RBM20: variants seen among roughly 807,000 people sequenced by gnomAD.
RBM20 encodes RNA-binding protein 20.
In RBM20, 51 loss-of-function variants were observed where a neutral mutation model predicts 110.1. The ratio of observed to expected loss-of-function variants is 0.46; its 90% CI spans 0.37 to 0.59. RBM20 has a LOEUF of 0.59. Among genes scored for constraint, RBM20 ranks in the 20% least tolerant of loss-of-function variants. The pLI, the probability that RBM20 is intolerant of heterozygous loss-of-function variation, is 0.00. For synonymous variants in RBM20, 589 were observed against 618.2 expected, an observed-to-expected ratio of 0.95 and a Z score of 0.70; for missense variants, 1,512 against 1,574.9, an observed-to-expected ratio of 0.96 and a Z score of 0.68.
At chr10:110,814,396 G>A (rs1250985428) in intron 9 of RBM20, among the ~76,000 whole-genome samples, 2 of 152,194 alleles carry the variant, frequency 1.3e-5, no homozygotes, top group African/African-American at 2.4e-5. Flanking sequence ...TGCTCTGTGG[G>A]CAATTATTAA....
intron 1 of RBM20, among the ~76,000 whole-genome samples, chr10:110,706,817 G>C (rs1156409397): frequency 2.0e-5 from 3 of 152,146 alleles, no homozygotes; most frequent in Non-Finnish European, 4.4e-5. Flanking sequence ...TCTTGGTCTT[G>C]CCTCCTCCTC....
At chr10:110,783,643 G>A (rs749018839) in intron 3 of RBM20, among the ~76,000 whole-genome samples, 13 of 152,242 alleles carry the variant, frequency 8.5e-5, no homozygotes, top group Admixed American at 2.6e-4. Flanking sequence ...GTAAATGCTA[G>A]GCAGAAAACA....
intron 1 of RBM20, among the ~76,000 whole-genome samples, chr10:110,686,612 C>T (rs1386833192): frequency 6.6e-6 from 1 of 151,716 alleles, no homozygotes; most frequent in African/African-American, 2.4e-5. Context: ...GTGATGGAGC[C>T]AGATGCTGTC....
rs1844342633 is a variant in RBM20, at chr10:110,781,329, T to C, written c.720T>C (p.Tyr240=). ...EYGKASSGQT[Y]GPETDGQPGF... is the part of the protein sequence containing the mutation. ...GCAAAGCCAGCTCTGGCCAGACATA[T>C]GGCCCTGAAACAGATGGTCAGCCTG... is the stretch of plus-strand genomic sequence containing the variant. The change falls in exon 2 of 14, where the codon TAT becomes TAC. Residue 240 remains tyrosine (Y), a synonymous_variant. Transcript: ENST00000369519. 2.6e-6 allele frequency: 4 copies of C among 1,551,580 alleles called. No individual in the cohort carries two copies. Among genetic ancestry groups the C allele is most frequent in the South Asian group, 1.2e-5 (1 of 84,072 alleles).
intron 1 of RBM20, among the ~76,000 whole-genome samples, chr10:110,766,835 G>A (rs1223151198): frequency 2.7e-5 from 4 of 150,922 alleles, no homozygotes; most frequent in Admixed American, 1.3e-4. Flanking sequence ...TCAATGAGCT[G>A]TTGGGTACAC....
intron 1 of RBM20, among the ~76,000 whole-genome samples, chr10:110,657,777 A>G (rs59655577): frequency 0.19 from 28,241 of 152,152 alleles, 3,548 homozygotes; most frequent in African/African-American, 0.34. Flanking sequence ...TGAAGCTCGT[A>G]TGAACATTCC....
rs371190223 is a variant in RBM20, at chr10:110,676,035, T to A, written c.191+31390T>A. On this transcript the variant is annotated intron_variant, in intron 1 of 13. Transcript: ENST00000369519. ...ACTTGGTAGTCACCTGCAATGATAA[T>A]TAGCTAACGGATAGTGGGCGCTGGA... Among the ~76,000 whole-genome samples the A allele has an allele frequency of 2.6e-5, 4 of 152,298 alleles. No homozygotes were observed. The East Asian group carries it at 7.7e-4, about 29-fold the overall frequency.
At chr10:110,750,021 A>G (rs1364485049) in intron 1 of RBM20, among the ~76,000 whole-genome samples, 1 of 152,254 alleles carries the variant, frequency 6.6e-6, no homozygotes, top group East Asian at 1.9e-4. Flanking sequence ...TATGATTTAT[A>G]GGTGTATAAT....
At chr10:110,735,770 T>A (rs542284565) in intron 1 of RBM20, among the ~76,000 whole-genome samples, 16 of 152,344 alleles carry the variant, frequency 1.1e-4, no homozygotes, top group Admixed American at 4.6e-4. Context: ...GGCTACTACA[T>A]GTAGAGCTCA....
intron 1 of RBM20, among the ~76,000 whole-genome samples, chr10:110,710,657 G>T (rs527553623): frequency 3.3e-5 from 5 of 152,344 alleles, no homozygotes; most frequent in Middle Eastern, 3.4e-3. Context: ...TTCCCCTTTG[G>T]GGGCAAATGA....
chr10:110,812,216 TGTGG>T, intron 8 of RBM20, 58 bp from the exon 9 acceptor site: 1 of 1,387,356 alleles, frequency 7.2e-7, no homozygotes, highest in Non-Finnish European at 9.7e-7. Context: ...TGTGTCTGTG[TGTGG>T]GTGGGGTGGG....
At chr10:110,805,929 G>T (rs1056983270) in intron 7 of RBM20, among the ~76,000 whole-genome samples, 1 of 152,158 alleles carries the variant, frequency 6.6e-6, no homozygotes, top group East Asian at 1.9e-4. Context: ...GGTGGGGAAG[G>T]AGGGTGGTGA....
chr10:110,800,015 G>C, intron 7 of RBM20, 97 bp downstream of exon 7: 1 of 1,152,638 alleles, frequency 8.7e-7, no homozygotes, highest in South Asian at 1.4e-5. Context: ...GAAAGGAGAG[G>C]ATAGGAAAAG....
chr10:110,792,552 C>T (rs1844498019), intron 5 of RBM20, among the ~76,000 whole-genome samples: 1 of 152,136 alleles, frequency 6.6e-6, no homozygotes. Context: ...AGTAACTGGC[C>T]CACAGTTAGT....
At chr10:110,819,113 A>C (rs941271005) in intron 9 of RBM20, among the ~76,000 whole-genome samples, 4 of 152,244 alleles carry the variant, frequency 2.6e-5, no homozygotes, top group Non-Finnish European at 5.9e-5. Context: ...AACCTCAGCC[A>C]AGAATGTCCT....
intron 1 of RBM20, among the ~76,000 whole-genome samples, chr10:110,661,166 T>TCC (rs1862095769): frequency 6.6e-6 from 1 of 152,206 alleles, no homozygotes; most frequent in Non-Finnish European, 1.5e-5. Context: ...TGGCATTTGT[T>TCC]CCCTCTCTGA....
At chr10:110,730,177 A>G (rs760166642) in intron 1 of RBM20, among the ~76,000 whole-genome samples, 1 of 152,142 alleles carries the variant, frequency 6.6e-6, no homozygotes, top group East Asian at 1.9e-4. Flanking sequence ...TTAGCTCTGC[A>G]TGCTTCCTGG....
At chr10:110,820,241 GC>G (rs1844891202) in intron 10 of RBM20, 65 bp downstream of exon 10, 1 of 1,079,824 alleles carries the variant, frequency 9.3e-7, no homozygotes, top group African/African-American at 1.6e-5. Flanking sequence ...TCCCCCTTTT[GC>G]CTGGTGATGT....
intron 1 of RBM20, among the ~76,000 whole-genome samples, chr10:110,711,407 C>T (rs1862927221): frequency 6.7e-6 from 1 of 149,300 alleles, no homozygotes; most frequent in South Asian, 2.1e-4. Flanking sequence ...GCCACCTTTA[C>T]CCCAAGCTAC....
Sources: gnomAD v4.1 joint callset for allele counts (sites outside exome capture counted in the v4.1 genomes callset) on GRCh38, gnomAD v4.1.1 for gene constraint, MANE v1.5 for transcripts, NCBI Gene and HGNC (gene_info 2026-07-23, HGNC 2026-07-21) for gene names.